UVRAG: variants seen among roughly 807,000 people sequenced by gnomAD.
The protein encoded by UVRAG is UV radiation resistance associated.
UVRAG carries 19 observed loss-of-function variants against 78.0 expected under a neutral mutation model. That is an observed-to-expected ratio of 0.24 (90% CI 0.17 to 0.36). The LOEUF (loss-of-function observed/expected upper bound fraction) is 0.36. Ranked by LOEUF, UVRAG falls within the 10% of genes least tolerant of loss-of-function variation. The probability of loss-of-function intolerance (pLI) is 1.00; values close to 1 mark genes in which losing one functional copy is unlikely to be tolerated. For missense variants in UVRAG, 740 were observed against 853.8 expected (o/e 0.87, Z 1.66); for synonymous variants, 323 against 324.6 (o/e 1.00, Z 0.05).
rs147658315 is a variant in UVRAG at position 75,900,092 on chromosome 11, C to T, written c.507+11189C>T. ...TTTGGAGGATCTTGTCTTCTTAGCA[C>T]AATTTTTGAGCTTTTGAGAACTTTT... On this transcript the variant is annotated intron_variant, in intron 5 of 14. Transcript: ENST00000356136. Among the ~76,000 whole-genome samples, 631 of 152,224 alleles carry T rather than the reference C, an allele frequency of 4.1e-3. 1 individual carries two copies. The highest frequency in any genetic ancestry group is 7.3e-3 in the Admixed American group (112 of 15,292).
At chr11:75,949,750 CACACATATGTATACATATAT>C (rs1948653476) in intron 6 of UVRAG, among the ~76,000 whole-genome samples, 1 of 148,278 alleles carries the variant, frequency 6.7e-6, no homozygotes, top group Non-Finnish European at 1.5e-5. Flanking sequence ...TATATATATA[CACACATATGTATACATATAT>C]ACACATATAT....
intron 4 of UVRAG, among the ~76,000 whole-genome samples, chr11:75,884,256 G>C (rs929811600): frequency 2.3e-5 from 3 of 129,034 alleles, no homozygotes; most frequent in African/African-American, 3.7e-5. Context: ...CTCTCTCTCT[G>C]TGTGAAGTGT....
At chr11:76,136,698 A>C (rs138290762) in intron 14 of UVRAG, among the ~76,000 whole-genome samples, 1 of 151,918 alleles carries the variant, frequency 6.6e-6, no homozygotes, top group Non-Finnish European at 1.5e-5. Context: ...GGGTCTCCCT[A>C]TGTGGCCCAG....
chr11:76,038,101 C>A (rs992947250), intron 12 of UVRAG, among the ~76,000 whole-genome samples: 1 of 152,088 alleles, frequency 6.6e-6, no homozygotes, highest in African/African-American at 2.4e-5. Flanking sequence ...AAATCACTTA[C>A]ATCTCCCACT....
rs578007703 is a variant in UVRAG, at chr11:75,830,872, G to A, written c.117+15348G>A. On this transcript the variant is annotated intron_variant, in intron 1 of 14. Coordinates refer to ENST00000356136, the MANE Select transcript of UVRAG (RefSeq NM_003369.4). ...GAGTTTCTACCATGTATCCCACAGTGGTTAAGAATATGGACACTAGAGCCT... is the reference window on the plus strand; with the variant it reads ...GAGTTTCTACCATGTATCCCACAGTAGTTAAGAATATGGACACTAGAGCCT... Among the ~76,000 whole-genome samples, 15 of 152,280 alleles carry A rather than the reference G, an allele frequency of 9.9e-5. No individual in the cohort carries two copies. In the Middle Eastern group the frequency reaches 0.01, roughly 104 times the overall value.
intron 6 of UVRAG, among the ~76,000 whole-genome samples, chr11:75,958,692 T>C (rs1948852701): frequency 6.6e-6 from 1 of 152,222 alleles, no homozygotes; most frequent in South Asian, 2.1e-4. Context: ...CCATGAATCA[T>C]GAATGTTCTG....
rs1034335914 is a variant in UVRAG, at chr11:75,827,473, T to TGG, written c.117+11950_117+11951dup. Reference sequence around the variant, plus strand: ...AAAAATACAAAAAATTAGCTGGGCGTGGTGGCGGGCACCTGTAATCCCAGC... The same window carrying TGG: ...AAAAATACAAAAAATTAGCTGGGCGTGGGGTGGCGGGCACCTGTAATCCCAGC... On this transcript the variant is annotated intron_variant, in intron 1 of 14. Transcript: ENST00000356136. Among the ~76,000 whole-genome samples the TGG allele has an allele frequency of 2.3e-4, 35 of 152,092 alleles. 1 individual carries two copies. The highest frequency in any genetic ancestry group is 3.4e-3 in the Middle Eastern group (1 of 294).
chr11:75,989,284 A>T, intron 8 of UVRAG, among the ~76,000 whole-genome samples: 1 of 151,872 alleles, frequency 6.6e-6, no homozygotes, highest in East Asian at 1.9e-4. Flanking sequence ...TGAACTCCTG[A>T]CCCCAAGTGA....
chr11:75,954,420 AT>A (rs1422371669), intron 6 of UVRAG, among the ~76,000 whole-genome samples: 1 of 151,862 alleles, frequency 6.6e-6, no homozygotes, highest in Non-Finnish European at 1.5e-5. Context: ...TATTTTGTTG[AT>A]TTCTTCTCTG....
At chr11:75,980,904 C>A (rs547818911) in intron 7 of UVRAG, among the ~76,000 whole-genome samples, 2 of 152,074 alleles carry the variant, frequency 1.3e-5, no homozygotes, top group Non-Finnish European at 2.9e-5. Context: ...TGGTCTCAAA[C>A]TCCTGACTTC....
intron 13 of UVRAG, among the ~76,000 whole-genome samples, chr11:76,084,590 A>G (rs927725100): frequency 3.3e-5 from 5 of 152,012 alleles, no homozygotes; most frequent in Non-Finnish European, 7.4e-5. Flanking sequence ...TATCTTTATA[A>G]GTTATCTTAT....
chr11:75,849,773 A>C (rs1056965313), intron 1 of UVRAG, among the ~76,000 whole-genome samples: 2 of 152,264 alleles, frequency 1.3e-5, no homozygotes, highest in South Asian at 4.1e-4. Context: ...TGTCCTAATA[A>C]GGGAGCAACT....
At chr11:75,912,517 A>G (rs1331787390) in intron 6 of UVRAG, among the ~76,000 whole-genome samples, 2 of 152,256 alleles carry the variant, frequency 1.3e-5, no homozygotes, top group Non-Finnish European at 2.9e-5. Context: ...CCTCAGCTCT[A>G]TATTTTCATA....
At chr11:76,000,339 A>G (rs1456747171) in intron 8 of UVRAG, among the ~76,000 whole-genome samples, 1 of 152,268 alleles carries the variant, frequency 6.6e-6, no homozygotes, top group Non-Finnish European at 1.5e-5. Context: ...GTGGTGGCTC[A>G]CATGTGTAGT....
At chr11:76,068,429 T>G (rs1237332889) in intron 13 of UVRAG, among the ~76,000 whole-genome samples, 2 of 152,210 alleles carry the variant, frequency 1.3e-5, no homozygotes, top group Non-Finnish European at 2.9e-5. Context: ...CTTTGAAAAT[T>G]GAGAGAACAA....
intron 6 of UVRAG, chr11:75,942,441 G>A (rs1054272900): frequency 6.6e-6 from 1 of 152,198 alleles, no homozygotes; most frequent in Admixed American, 6.6e-5. Flanking sequence ...CATGATGGTG[G>A]TGGCTTTTCT....
chr11:76,025,547 C>T (rs994409342), intron 12 of UVRAG, among the ~76,000 whole-genome samples: 3 of 152,100 alleles, frequency 2.0e-5, no homozygotes, highest in African/African-American at 7.2e-5. Context: ...AAAAGATGGT[C>T]AGCCATTTTT....
Position 75,819,846 on chromosome 11 carries a change from G to A in UVRAG, c.117+4322G>A, listed in dbSNP as rs192792862. Among the ~76,000 whole-genome samples the A allele has an allele frequency of 4.6e-3, 702 of 152,058 alleles. 4 individuals carry two copies. The highest frequency in any genetic ancestry group is 0.015 in the African/African-American group (642 of 41,538). On this transcript the variant is annotated intron_variant, in intron 1 of 14. Coordinates refer to ENST00000356136, the MANE Select transcript of UVRAG (RefSeq NM_003369.4). ...TAGCCAGGTGTGGTGGCAGGTGCCT[G>A]TAATCCCAGCTATTTGGAGGCTGAG...
chr11:76,074,194 G>C (rs1369666220), intron 13 of UVRAG, among the ~76,000 whole-genome samples: 1 of 151,884 alleles, frequency 6.6e-6, no homozygotes, highest in Non-Finnish European at 1.5e-5. Flanking sequence ...AGCCCTTTGG[G>C]GTCCTCAGTC....
Sources: allele counts gnomAD v4.1 joint callset (sites outside exome capture counted in the v4.1 genomes callset), GRCh38; gene constraint gnomAD v4.1.1; transcripts MANE v1.5; gene names NCBI Gene and HGNC (gene_info 2026-07-23, HGNC 2026-07-21).